STAB2: variants seen among roughly 807,000 people sequenced by gnomAD.
STAB2 encodes stabilin-2.
In STAB2, 288 loss-of-function variants were observed where a neutral mutation model predicts 338.1. That is an observed-to-expected ratio of 0.85 (90% confidence interval 0.77 to 0.94). The LOEUF is 0.94. STAB2 is among the 40% of genes least tolerant of loss of function. The pLI, the probability that STAB2 is intolerant of heterozygous loss-of-function variation, is 0.00. For synonymous variants in STAB2, 1,202 were observed against 1,193.3 expected (o/e 1.01, Z -0.15); for missense variants, 3,141 against 3,210.1 (o/e 0.98, Z 0.52).
chr12:103,597,858 G>A (rs1956899774), intron 3 of STAB2, among the ~76,000 whole-genome samples: 1 of 151,942 alleles, frequency 6.6e-6, no homozygotes, highest in Non-Finnish European at 1.5e-5. Flanking sequence ...ATGTGCAAAG[G>A]AGTTACACCC....
chr12:103,726,407 C>T (rs1361070664), intron 46 of STAB2, among the ~76,000 whole-genome samples: 2 of 152,180 alleles, frequency 1.3e-5, no homozygotes, highest in Non-Finnish European at 2.9e-5. Context: ...GTGAGAATTG[C>T]TTGAACCTGT....
intron 22 of STAB2, among the ~76,000 whole-genome samples, chr12:103,673,238 C>A (rs703643): frequency 0.16 from 24,403 of 152,184 alleles, 2,066 homozygotes; most frequent in East Asian, 0.22. Context: ...AACTCTCCAA[C>A]CAGGAAGTAG....
At chr12:103,693,453 C>A (rs959282896) in intron 31 of STAB2, among the ~76,000 whole-genome samples, 13 of 151,546 alleles carry the variant, frequency 8.6e-5, no homozygotes, top group African/African-American at 3.2e-4. Context: ...AAAAAAAAAA[C>A]ACACTTGAGC....
chr12:103,763,828 A>C, intron 68 of STAB2: 1 of 462,092 alleles, frequency 2.2e-6, no homozygotes, highest in Non-Finnish European at 3.9e-6. Flanking sequence ...CCTTGAACAA[A>C]CAGAGACAGG....
At position 103,676,071 on chromosome 12, in the gene STAB2, T is replaced by A. The variant is rs376350149; in HGVS notation, c.2646+50T>A. On this transcript the variant is annotated intron_variant, in intron 24 of 68. Transcript: ENST00000388887. The stretch of plus-strand genomic sequence containing the variant: ...CCTGCCTGGTTTCTTTTTTTTTTTT[T>A]TTTTTTTTGAGACAGAGTCTCGCTC... 1.4e-4 allele frequency: 202 copies of A among 1,414,924 alleles called. No homozygotes were observed. In the African/African-American group the frequency reaches 2.5e-3, roughly 18 times the overall value. The allele number at this position is 1,414,924 out of a possible 1,614,324, so 87.6% of individuals were successfully genotyped here.
intron 57 of STAB2, 70 bp from the exon 58 acceptor site, chr12:103,746,525 GAA>G (rs991194923): frequency 1.4e-6 from 2 of 1,446,456 alleles, no homozygotes. Flanking sequence ...GAGAGTCTTG[GAA>G]AGTCTCCTTA....
In STAB2 at chr12:103,670,711, G is replaced by A. The variant is rs201742800; in HGVS notation, c.2275G>A (p.Gly759Ser). Residue 759 changes from glycine (G) to serine (S), a missense_variant, in exon 22 of 69, where the codon GGC becomes AGC. By Grantham distance (56) the Gly-to-Ser change is moderately conservative. Transcript: ENST00000388887. ...SGNGQCADSL[G>S]GNGTCICEEG... ...TTGCTCCCAGTGTGCAGATAGCCTC[G>A]GCGGCAACGGGACATGCATTTGTGA... 8.2e-5 allele frequency: 132 copies of A among 1,614,004 alleles called. No individual in the cohort carries two copies. In the East Asian group the frequency reaches 1.9e-3, roughly 24 times the overall value.
chr12:103,688,039 GACA>G, intron 27 of STAB2, 126 bp from the exon 28 acceptor site: 1 of 840,324 alleles, frequency 1.2e-6, no homozygotes, highest in Non-Finnish European at 2.0e-6. Flanking sequence ...GGCAGGCCAG[GACA>G]ACGAGCCTAG....
At chr12:103,695,679 T>C (rs753305570) in intron 32 of STAB2, 31 bp downstream of exon 32, 2 of 1,614,164 alleles carry the variant, frequency 1.2e-6, no homozygotes, top group Non-Finnish European at 1.7e-6. Flanking sequence ...CTGACCACCA[T>C]GCTCAGGTTA....
intron 25 of STAB2, among the ~76,000 whole-genome samples, chr12:103,678,995 T>C (rs1410775413): frequency 6.6e-6 from 1 of 152,204 alleles, no homozygotes; most frequent in Non-Finnish European, 1.5e-5. Flanking sequence ...GTCAGAAGTG[T>C]TGGAGCTCCT....
chr12:103,630,634 A>T (rs1957445607), intron 5 of STAB2, among the ~76,000 whole-genome samples: 1 of 152,230 alleles, frequency 6.6e-6, no homozygotes, highest in African/African-American at 2.4e-5. Flanking sequence ...TTATAAGTGG[A>T]TGAGAAAGAC....
chr12:103,631,627 A>G lies in STAB2; in HGVS notation c.517A>G (p.Ser173Gly). The change falls in exon 6 of 69, where the codon AGT becomes GGT. Residue 173 changes from serine to glycine, a missense_variant. Transcript: ENST00000388887. The stretch of plus-strand genomic sequence containing the variant: ...CAACTGTGTGCATGGGGTGTGCAAC[A>G]GTGGACTAGATGGCGATGGAACCTG... ...VCNCVHGVCN[S>G]GLDGDGTCEC... 6.2e-7 allele frequency: 1 copy of G among 1,614,196 alleles called. No homozygotes were observed.
At chr12:103,649,626 T>C (rs375228734) in intron 10 of STAB2, among the ~76,000 whole-genome samples, 10 of 152,188 alleles carry the variant, frequency 6.6e-5, no homozygotes, top group African/African-American at 1.9e-4. Flanking sequence ...ACCAGTGTAA[T>C]TGATGGGTCA....
At chr12:103,704,893 G>A in intron 36 of STAB2, 1 of 255,148 alleles carries the variant, frequency 3.9e-6, no homozygotes. Flanking sequence ...GCCAGTTGAG[G>A]ACCGCAGCAA....
At chr12:103,679,283 G>A (rs563319736) in intron 25 of STAB2, among the ~76,000 whole-genome samples, 4 of 152,152 alleles carry the variant, frequency 2.6e-5, no homozygotes, top group South Asian at 2.1e-4. Context: ...CAGGAGAATC[G>A]CTTGAACCTG....
At chr12:103,756,493 A>G (rs1884112442) in intron 63 of STAB2, among the ~76,000 whole-genome samples, 1 of 152,206 alleles carries the variant, frequency 6.6e-6, no homozygotes, top group African/African-American at 2.4e-5. Flanking sequence ...TACTTGTTAG[A>G]AGGACTAAAT....
In STAB2 at chr12:103,624,927, C is replaced by A. The variant is rs188623884; in HGVS notation, c.487+2816C>A. On this transcript the variant is annotated intron_variant, in intron 5 of 68. Transcript: ENST00000388887. ...CTGCACTCCAGCCTGGGTGACAGAG[C>A]AAGACTCCATCTCAAAAAAAAAAAA... Among the ~76,000 whole-genome samples, 940 of 106,904 alleles carry A rather than the reference C, an allele frequency of 8.8e-3. 11 individuals carry two copies. The highest frequency in any genetic ancestry group is 0.034 in the African/African-American group (904 of 26,404). The allele number at this position is 106,904 out of a possible 152,430, so 70.1% of individuals were successfully genotyped here.
chr12:103,594,655 T>G, intron 3 of STAB2, 145 bp downstream of exon 3: 1 of 652,452 alleles, frequency 1.5e-6, no homozygotes, highest in East Asian at 2.7e-5. Context: ...TAGAAAATCT[T>G]TCTTGCCCTG....
intron 42 of STAB2, 37 bp downstream of exon 42, chr12:103,713,805 TAA>T (rs1880079019): frequency 6.2e-7 from 1 of 1,610,986 alleles, no homozygotes; most frequent in Non-Finnish European, 8.5e-7. Flanking sequence ...CGAAATGGTA[TAA>T]GAGTCATAGC....
Sources: gnomAD v4.1 joint callset for allele counts (sites outside exome capture counted in the v4.1 genomes callset) on GRCh38, gnomAD v4.1.1 for gene constraint, MANE v1.5 for transcripts, NCBI Gene and HGNC (gene_info 2026-07-23, HGNC 2026-07-21) for gene names.